IQCJ: variants seen among roughly 807,000 people sequenced by gnomAD.
IQCJ encodes the protein IQ domain-containing protein J.
IQCJ carries 9 observed loss-of-function variants against 11.0 expected under a neutral mutation model. The ratio of observed to expected loss-of-function variants is 0.82; its 90% CI spans 0.49 to 1.43. The LOEUF is 1.43. Ranked by LOEUF, IQCJ falls within the 40% of genes most tolerant of loss-of-function variation. The pLI is 0.00. For missense variants in IQCJ, 146 were observed against 133.2 expected, an observed-to-expected ratio of 1.10 and a Z score of -0.47; for synonymous variants, 55 against 51.3, an observed-to-expected ratio of 1.07 and a Z score of -0.31.
intron 1 of IQCJ, among the ~76,000 whole-genome samples, chr3:159,136,452 A>C (rs886207998): frequency 6.6e-6 from 1 of 152,120 alleles, no homozygotes; most frequent in Non-Finnish European, 1.5e-5. Context: ...ATAGGCAAAA[A>C]TGTTTGTATT....
intron 1 of IQCJ, among the ~76,000 whole-genome samples, chr3:159,158,019 C>T (rs1244778892): frequency 6.6e-6 from 1 of 152,094 alleles, no homozygotes; most frequent in Non-Finnish European, 1.5e-5. Context: ...ATTTTTTGTG[C>T]ACCTGTGCAA....
chr3:159,119,185 T>A (rs1324717140), intron 1 of IQCJ, among the ~76,000 whole-genome samples: 1 of 152,222 alleles, frequency 6.6e-6, no homozygotes, highest in Non-Finnish European at 1.5e-5. Flanking sequence ...TACTGCAATG[T>A]CCCCTGGTTC....
chr3:159,177,719 G>A (rs1722870023), intron 1 of IQCJ, among the ~76,000 whole-genome samples: 1 of 152,156 alleles, frequency 6.6e-6, no homozygotes, highest in Admixed American at 6.6e-5. Flanking sequence ...TCTGTACACT[G>A]AAAAGAATAA....
At position 159,252,727 on chromosome 3, in the gene IQCJ, T is replaced by A; in HGVS notation, c.75T>A (p.Asn25Lys). 1 of 1,610,812 alleles carries A rather than the reference T, an allele frequency of 6.2e-7. No homozygotes were observed. The highest frequency in any genetic ancestry group is 1.3e-5 in the African/African-American group (1 of 74,964). The stretch of plus-strand genomic sequence containing the variant: ...ATTGAGACATTATTTCTGTTTCTAG[T>A]CACCAGCTGGCCATGGATGCAGAGA... ...QVNDGKYSFE[N>K]HQLAMDAENN... is the part of the protein sequence containing the mutation. The change falls in exon 3 of 4, where the codon AAT (asparagine) becomes AAA (lysine). Residue 25 changes from asparagine (N) to lysine (K), a missense_variant and splice_region_variant. Physicochemically the swap from Asn to Lys is moderately conservative, Grantham distance 94. Coordinates refer to ENST00000397832, the MANE Select transcript of IQCJ (RefSeq NM_001042706.3).
intron 1 of IQCJ, among the ~76,000 whole-genome samples, chr3:159,237,788 A>G (rs919426506): frequency 6.6e-6 from 1 of 152,240 alleles, no homozygotes; most frequent in Non-Finnish European, 1.5e-5. Context: ...GAGTAGTGAC[A>G]GCTTCTCCTA....
At chr3:159,240,495 T>C (rs1262094819) in intron 1 of IQCJ, among the ~76,000 whole-genome samples, 1 of 152,208 alleles carries the variant, frequency 6.6e-6, no homozygotes, top group Non-Finnish European at 1.5e-5. Context: ...TTATTATTGA[T>C]GAAAAGTAGT....
intron 1 of IQCJ, among the ~76,000 whole-genome samples, chr3:159,190,055 T>C (rs1723594172): frequency 2.0e-5 from 3 of 152,222 alleles, no homozygotes; most frequent in African/African-American, 4.8e-5. Flanking sequence ...ACTGTGTCTA[T>C]GGCATGGAGG....
chr3:159,165,771 GC>G (rs1202425253), intron 1 of IQCJ, among the ~76,000 whole-genome samples: 1 of 146,750 alleles, frequency 6.8e-6, no homozygotes, highest in Non-Finnish European at 1.5e-5. Flanking sequence ...GTGCCACCAT[GC>G]CCAGCTAATT....
intron 1 of IQCJ, among the ~76,000 whole-genome samples, chr3:159,101,621 T>TTTGCCAACA (rs1717928462): frequency 2.6e-5 from 4 of 152,214 alleles, no homozygotes; most frequent in Admixed American, 6.5e-5. Flanking sequence ...CTCTGGGTAG[T>TTTGCCAACA]GATCTCACAG....
chr3:159,144,300 A>C (rs913719040), intron 1 of IQCJ, among the ~76,000 whole-genome samples: 1 of 152,200 alleles, frequency 6.6e-6, no homozygotes, highest in Non-Finnish European at 1.5e-5. Flanking sequence ...TCCTTATGCA[A>C]TATAGTTGTC....
chr3:159,177,870 CCTGAAAATCAGTGTTGCCTCA>C (rs1371722570), intron 1 of IQCJ, among the ~76,000 whole-genome samples: 1 of 151,986 alleles, frequency 6.6e-6, no homozygotes, highest in Non-Finnish European at 1.5e-5. Flanking sequence ...TAGGATTTGA[CCTGAAAATCAGTGTTGCCTCA>C]ATTTAGTTCA....
chr3:159,165,145 G>A (rs939080856), intron 1 of IQCJ, among the ~76,000 whole-genome samples: 10 of 152,214 alleles, frequency 6.6e-5, no homozygotes, highest in African/African-American at 2.4e-4. Flanking sequence ...GTAGTTAGGA[G>A]CCTTTGCTAC....
chr3:159,192,993 C>G (rs1290754213), intron 1 of IQCJ, among the ~76,000 whole-genome samples: 1 of 152,172 alleles, frequency 6.6e-6, no homozygotes, highest in African/African-American at 2.4e-5. Context: ...CTAGTTTCCT[C>G]TCATCCTCAG....
chr3:159,219,973 C>A (rs1303078818), intron 1 of IQCJ, among the ~76,000 whole-genome samples: 1 of 151,896 alleles, frequency 6.6e-6, no homozygotes, highest in South Asian at 2.1e-4. Flanking sequence ...TTCCCTTTGC[C>A]CTGTATGTTT....
intron 1 of IQCJ, among the ~76,000 whole-genome samples, chr3:159,209,523 C>T (rs1724835830): frequency 2.0e-5 from 3 of 152,194 alleles, no homozygotes; most frequent in Non-Finnish European, 1.5e-5. Context: ...TGACCCTCCA[C>T]TGAGCTGGTT....
intron 1 of IQCJ, among the ~76,000 whole-genome samples, chr3:159,094,985 C>T (rs2108090741): frequency 6.6e-6 from 1 of 151,958 alleles, no homozygotes; most frequent in East Asian, 1.9e-4. Flanking sequence ...CAGTGTCTTC[C>T]CTGGGACAGG....
At chr3:159,152,092 G>A (rs1721261933) in intron 1 of IQCJ, among the ~76,000 whole-genome samples, 1 of 152,162 alleles carries the variant, frequency 6.6e-6, no homozygotes, top group Non-Finnish European at 1.5e-5. Context: ...TCTACTGGAT[G>A]GGGCAGTGGT....
At chr3:159,166,144 T>TA (rs547357327) in intron 1 of IQCJ, among the ~76,000 whole-genome samples, 1,554 of 148,502 alleles carry the variant, frequency 0.01, 25 homozygotes, top group African/African-American at 0.036. Context: ...TTCCACTGTT[T>TA]AAAAAAAAAA....
chr3:159,211,204 G>A (rs1025065424), intron 1 of IQCJ, among the ~76,000 whole-genome samples: 2 of 152,110 alleles, frequency 1.3e-5, no homozygotes, highest in African/African-American at 2.4e-5. Context: ...AAAAATGATC[G>A]TTTCTGGGTG....
Sources: gnomAD v4.1 joint callset for allele counts (sites outside exome capture counted in the v4.1 genomes callset) on GRCh38, gnomAD v4.1.1 for gene constraint, MANE v1.5 for transcripts, NCBI Gene and HGNC (gene_info 2026-07-23, HGNC 2026-07-21) for gene names.